The following NFIC variants were observed in gnomAD, a reference collection of about 807,000 sequenced individuals.
NFIC encodes nuclear factor 1 C-type.
Under a neutral mutation model 54.4 loss-of-function variants are expected in NFIC, and 12 were observed. That is an observed-to-expected ratio of 0.22 (90% confidence interval 0.14 to 0.36). The LOEUF is 0.36. NFIC is among the 10% of genes least tolerant of loss of function. The pLI is 1.00. For synonymous variants in NFIC, 322 were observed against 319.2 expected (o/e 1.01, Z -0.09); for missense variants, 575 against 718.2 (o/e 0.80, Z 2.28).
intron 10 of NFIC, among the ~76,000 whole-genome samples, chr19:3,457,394 G>C (rs2082575728): frequency 6.6e-6 from 1 of 152,144 alleles, no homozygotes. Flanking sequence ...GTAGTCTAGG[G>C]AGTGGGGGCG....
At position 3,458,277 on chromosome 19, in the gene NFIC, C is replaced by T. The variant is rs929467894; in HGVS notation, c.1509+1642C>T. 3.3e-5 allele frequency among the ~76,000 whole-genome samples: 5 copies of T among 152,204 alleles called. No homozygotes were observed. The highest frequency in any genetic ancestry group is 4.1e-4 in the South Asian group (2 of 4,832). On this transcript the variant is annotated intron_variant, in intron 10 of 10. Transcript: ENST00000443272. The surrounding 1 kb of genome is among the most constrained non-coding windows in gnomAD (Gnocchi z 4.1). ...TCCCCCGCCTGGTGCTGATGGAGCC[C>T]GGCATTACCTCTGCCACCCCCACCC... is the stretch of plus-strand genomic sequence containing the variant.
intron 2 of NFIC, among the ~76,000 whole-genome samples, chr19:3,404,638 G>A (rs1199282551): frequency 6.6e-6 from 1 of 151,982 alleles, no homozygotes; most frequent in Non-Finnish European, 1.5e-5. Context: ...GCCCGAGGCC[G>A]GTGCCAGCCT....
At position 3,384,086 on chromosome 19, in the gene NFIC, G is replaced by C. The variant is rs538159709; in HGVS notation, c.562+1843G>C. Among the ~76,000 whole-genome samples, 5 of 143,918 alleles carry C rather than the reference G, an allele frequency of 3.5e-5. No homozygotes were observed. In the South Asian group the frequency reaches 1.1e-3, roughly 32 times the overall value. 94.4% of individuals were successfully genotyped at this position (143,918 alleles called of 152,430 possible). A position where few individuals can be genotyped will look rare whatever the true frequency, so the allele number is the denominator to read the frequency against. On this transcript the variant is annotated intron_variant, in intron 2 of 10. Coordinates refer to ENST00000443272, the MANE Select transcript of NFIC (RefSeq NM_001245002.2). ...TTTTTTTTCCTGGAGACAGGGTCTCGCTCTGTCACCCACGCTGGAGTGCAG... is the reference window on the plus strand; with the variant it reads ...TTTTTTTTCCTGGAGACAGGGTCTCCCTCTGTCACCCACGCTGGAGTGCAG...
intron 2 of NFIC, among the ~76,000 whole-genome samples, chr19:3,417,131 C>T (rs1029254872): frequency 2.2e-4 from 34 of 151,134 alleles, no homozygotes; most frequent in Admixed American, 7.9e-4. Context: ...GTGATCCGCC[C>T]GCCTTGGCCT....
At chr19:3,387,151 G>T (rs548257806) in intron 2 of NFIC, among the ~76,000 whole-genome samples, 1 of 152,208 alleles carries the variant, frequency 6.6e-6, no homozygotes, top group Non-Finnish European at 1.5e-5. Flanking sequence ...CAGGGTGGAT[G>T]GCGGTGGAGG....
chr19:3,443,783 C>T (rs1416347450), intron 6 of NFIC, among the ~76,000 whole-genome samples: 1 of 152,074 alleles, frequency 6.6e-6, no homozygotes, highest in East Asian at 1.9e-4. Flanking sequence ...GGTCCAGGGA[C>T]ACCGCTTAGC....
chr19:3,461,079 C>T (rs1438395329), intron 10 of NFIC, among the ~76,000 whole-genome samples: 1 of 150,606 alleles, frequency 6.6e-6, no homozygotes, highest in Non-Finnish European at 1.5e-5. Context: ...GAGCCAAGAT[C>T]GTGCCACTGC....
intron 2 of NFIC, among the ~76,000 whole-genome samples, chr19:3,421,350 C>T (rs557261671): frequency 2.0e-5 from 3 of 152,342 alleles, no homozygotes; most frequent in South Asian, 2.1e-4. Context: ...GCCTGGCGCC[C>T]GGACGGCCGG....
intron 10 of NFIC, among the ~76,000 whole-genome samples, chr19:3,457,727 G>A (rs1005460270): frequency 2.6e-5 from 4 of 152,136 alleles, no homozygotes; most frequent in African/African-American, 7.2e-5. Flanking sequence ...GTTTCCTGCT[G>A]CAGAGCCCAC....
intron 9 of NFIC, 136 bp downstream of exon 9, chr19:3,454,052 C>T: frequency 7.2e-7 from 1 of 1,382,480 alleles, no homozygotes. Context: ...CTCCGGAAAA[C>T]AGCCCAGTGG....
chr19:3,379,182 C>T (rs1252977567), intron 1 of NFIC, among the ~76,000 whole-genome samples: 2 of 152,162 alleles, frequency 1.3e-5, no homozygotes, highest in African/African-American at 2.4e-5. Flanking sequence ...GCCTCAGCCT[C>T]CCAAGTAGCT....
intron 6 of NFIC, among the ~76,000 whole-genome samples, chr19:3,441,181 C>T (rs79403535): frequency 0.031 from 4,675 of 152,266 alleles, 101 homozygotes; most frequent in Non-Finnish European, 0.046. Context: ...CTGGCAGGCA[C>T]CTCATTTTGC....
Position 3,453,686 on chromosome 19 carries a change from C to T in NFIC, c.1270-77C>T, listed in dbSNP as rs542254161. 7.9e-5 allele frequency: 119 copies of T among 1,509,832 alleles called. No individual in the cohort carries two copies. Among genetic ancestry groups the T allele is most frequent in the Middle Eastern group, 1.7e-4 (1 of 5,796 alleles). 93.5% of individuals were successfully genotyped at this position (1,509,832 alleles called of 1,614,324 possible). On this transcript the variant is annotated intron_variant, in intron 8 of 10. Transcript: ENST00000443272. This position sits in a 1 kb window ranked among gnomAD's most constrained non-coding sequence, Gnocchi z 6.7. ...CACCCCGTCCGGGCCGTGCACAGAG[C>T]CGGGGGCGGCCGGCGCCAGCAGCCC...
intron 6 of NFIC, among the ~76,000 whole-genome samples, chr19:3,440,815 C>T (rs1451020869): frequency 6.6e-6 from 1 of 152,178 alleles, no homozygotes; most frequent in Non-Finnish European, 1.5e-5. Flanking sequence ...GCCACTGCGC[C>T]TGGCCTTTTT....
rs111626930 is a variant in NFIC at position 3,433,782 on chromosome 19, C to G, written c.709+190C>G. Among the ~76,000 whole-genome samples the G allele has an allele frequency of 8.5e-5, 13 of 152,266 alleles. 2 individuals are homozygous for G. Among genetic ancestry groups the G allele is most frequent in the African/African-American group, 3.1e-4 (13 of 41,558 alleles). ...CCAAGGTCAGGGCTCCCTCCCACCTCTCCAGGAAACAGAATCTAAATGCTG... is the reference window on the plus strand; with the variant it reads ...CCAAGGTCAGGGCTCCCTCCCACCTGTCCAGGAAACAGAATCTAAATGCTG... On this transcript the variant is annotated intron_variant, in intron 4 of 10. Transcript: ENST00000443272.
intron 2 of NFIC, among the ~76,000 whole-genome samples, chr19:3,409,048 T>G (rs1363106347): frequency 6.6e-6 from 1 of 151,872 alleles, no homozygotes; most frequent in East Asian, 1.9e-4. Flanking sequence ...CTTTTGAAAG[T>G]CTAAAATGGA....
chr19:3,408,455 T>C (rs188652806), intron 2 of NFIC, among the ~76,000 whole-genome samples: 7 of 152,144 alleles, frequency 4.6e-5, no homozygotes, highest in Admixed American at 6.6e-5. Flanking sequence ...CACTTTTTTT[T>C]TCTTGAGACA....
intron 2 of NFIC, among the ~76,000 whole-genome samples, chr19:3,384,838 G>T (rs972566303): frequency 6.6e-6 from 1 of 152,124 alleles, no homozygotes; most frequent in Non-Finnish European, 1.5e-5. Flanking sequence ...GTGACTGCCT[G>T]TTGGGAGCAG....
chr19:3,397,285 C>G (rs1429917753), intron 2 of NFIC, among the ~76,000 whole-genome samples: 1 of 152,286 alleles, frequency 6.6e-6, no homozygotes, highest in East Asian at 1.9e-4. Flanking sequence ...CCTGGGAGAT[C>G]CCAGGACCCA....
Sources: gnomAD v4.1 joint callset for allele counts (sites outside exome capture counted in the v4.1 genomes callset) on GRCh38, gnomAD v4.1.1 for gene constraint, Gnocchi (gnomAD v3.1) non-coding constraint, MANE v1.5 for transcripts, NCBI Gene and HGNC (gene_info 2026-07-23, HGNC 2026-07-21) for gene names.